Variants in MRPL37 observed in about 807,000 individuals in gnomAD.
The protein encoded by MRPL37 is large ribosomal subunit protein mL37.
Under a neutral mutation model 44.1 loss-of-function variants are expected in MRPL37, and 34 were observed. That is an observed-to-expected ratio of 0.77 (90% CI 0.59 to 1.03). The LOEUF (loss-of-function observed/expected upper bound fraction) is 1.03. MRPL37 is among the 50% of genes least tolerant of loss of function. The probability of loss-of-function intolerance (pLI) is 0.00; values close to 1 mark genes in which losing one functional copy is unlikely to be tolerated. For missense variants in MRPL37, 532 were observed against 543.7 expected (o/e 0.98, Z 0.21); for synonymous variants, 212 against 219.5 (o/e 0.97, Z 0.30).
chr1:54,208,569 AG>A (rs1310534494), intron 3 of MRPL37, among the ~76,000 whole-genome samples: 2 of 150,586 alleles, frequency 1.3e-5, no homozygotes, highest in African/African-American at 4.9e-5. Flanking sequence ...AAAAAAAAAA[AG>A]AATCTCCTCT....
intron 2 of MRPL37, 45 bp downstream of exon 2, chr1:54,205,246 G>T: frequency 6.2e-7 from 1 of 1,607,476 alleles, no homozygotes; most frequent in South Asian, 1.1e-5. Flanking sequence ...ATGGATCTTC[G>T]AGTCGACCTG....
At chr1:54,204,892 TCA>T (rs1417312299) in intron 1 of MRPL37, 124 bp from the exon 2 acceptor site, 20 of 1,094,194 alleles carry the variant, frequency 1.8e-5, no homozygotes. Context: ...CCCTCAGGTG[TCA>T]CAGAACAAAT....
rs1357549912 is a variant in MRPL37, at chr1:54,216,123, G to A, written c.991-18G>A. On this transcript the variant is annotated intron_variant, in intron 5 of 6. Coordinates refer to ENST00000360840, the MANE Select transcript of MRPL37 (RefSeq NM_016491.4). ...CCACAGCTTCTGATTTGTTTTCCTT[G>A]TCCCCTTTTCCTCTCAGAATGATGC... The A allele has an allele frequency of 6.2e-7, 1 of 1,614,016 alleles. No homozygotes were observed. The highest frequency in any genetic ancestry group is 8.5e-7 in the Non-Finnish European group (1 of 1,179,880).
downstream of MRPL37, chr1:54,225,358 C>G: frequency 1.6e-6 from 2 of 1,234,070 alleles, no homozygotes; most frequent in African/African-American, 3.1e-5. Flanking sequence ...AAACTGTGCC[C>G]AAGAAGTCAC....
At chr1:54,207,158 T>C (rs1376693592) in intron 3 of MRPL37, among the ~76,000 whole-genome samples, 1 of 152,234 alleles carries the variant, frequency 6.6e-6, no homozygotes, top group African/African-American at 2.4e-5. Flanking sequence ...CTGTGTTCTT[T>C]ATGCCCATTC....
chr1:54,221,594 T>A (rs1271540606), downstream of MRPL37, among the ~76,000 whole-genome samples: 1 of 152,096 alleles, frequency 6.6e-6, no homozygotes, highest in Non-Finnish European at 1.5e-5. Context: ...CCATGTTCAC[T>A]CTCACACACG....
intron 6 of MRPL37, among the ~76,000 whole-genome samples, chr1:54,217,396 A>G (rs908649718): frequency 6.6e-5 from 10 of 152,056 alleles, no homozygotes; most frequent in African/African-American, 2.2e-4. Flanking sequence ...CTGTGTCTTC[A>G]GGTTCTCTTC....
At chr1:54,213,724 C>G (rs529375000) in intron 5 of MRPL37, among the ~76,000 whole-genome samples, 2 of 152,224 alleles carry the variant, frequency 1.3e-5, no homozygotes, top group Admixed American at 1.3e-4. Context: ...ACAAGCCCCC[C>G]AGTTATGCTG....
chr1:54,208,465 C>T (rs376194743), intron 3 of MRPL37, among the ~76,000 whole-genome samples: 1 of 141,302 alleles, frequency 7.1e-6, no homozygotes, highest in African/African-American at 2.6e-5. Context: ...GGGAGAATGG[C>T]GTGAACCCGG....
intron 4 of MRPL37, among the ~76,000 whole-genome samples, chr1:54,211,931 A>G (rs1466610062): frequency 1.3e-5 from 2 of 152,266 alleles, no homozygotes; most frequent in African/African-American, 2.4e-5. Flanking sequence ...ATGGCTGAAA[A>G]GAACAAGTAC....
intron 6 of MRPL37, among the ~76,000 whole-genome samples, chr1:54,216,578 G>A (rs1384553176): frequency 2.0e-5 from 3 of 152,264 alleles, no homozygotes; most frequent in East Asian, 1.9e-4. Flanking sequence ...CCAGCTCCTC[G>A]CAGCTCCCAG....
In MRPL37 at chr1:54,216,109, G is replaced by A. The variant is rs374407823; in HGVS notation, c.991-32G>A. ...CTGTTCCTTACACTCCACAGCTTCT[G>A]ATTTGTTTTCCTTGTCCCCTTTTCC... On this transcript the variant is annotated intron_variant, in intron 5 of 6. Transcript: ENST00000360840. 4.3e-6 allele frequency: 7 copies of A among 1,613,118 alleles called. No homozygotes were observed. The South Asian group carries it at 4.4e-5, about 10-fold the overall frequency.
chr1:54,202,820 C>T (rs1644094386), intron 1 of MRPL37, among the ~76,000 whole-genome samples: 1 of 152,128 alleles, frequency 6.6e-6, no homozygotes, highest in Admixed American at 6.5e-5. Context: ...AAGATATGAC[C>T]TTGAGTCAGA....
chr1:54,210,803 C>A (rs1279165758), intron 4 of MRPL37, among the ~76,000 whole-genome samples: 1 of 152,172 alleles, frequency 6.6e-6, no homozygotes. Flanking sequence ...GTCTGTCTGA[C>A]CCCACACTAT....
intron 1 of MRPL37, among the ~76,000 whole-genome samples, chr1:54,201,824 G>A (rs1046877808): frequency 2.0e-5 from 3 of 152,158 alleles, no homozygotes; most frequent in Non-Finnish European, 4.4e-5. Flanking sequence ...GGTAGATGGT[G>A]ACTTTCAGTA....
rs759618256 is a variant in MRPL37 at position 54,205,189 on chromosome 1, G to C, written c.518G>C (p.Arg173Thr). ...LWQTTEEIPK[R>T]ETYCPVIVDN... ...CAGACCACTGAGGAAATCCCCAAGAGAGAGACCTACTGGTAAGTTCCCCCA... is the reference window on the plus strand; with the variant it reads ...CAGACCACTGAGGAAATCCCCAAGACAGAGACCTACTGGTAAGTTCCCCCA... The change falls in exon 2 of 7, where the codon AGA becomes ACA. Residue 173 changes from arginine to threonine, a missense_variant. Coordinates refer to ENST00000360840, the MANE Select transcript of MRPL37 (RefSeq NM_016491.4). 16 of 1,613,102 alleles carry C rather than the reference G, an allele frequency of 9.9e-6. No individual in the cohort carries two copies. The highest frequency in any genetic ancestry group is 3.3e-5 in the South Asian group (3 of 91,034).
chr1:54,221,215 C>T (rs1644231368), downstream of MRPL37, among the ~76,000 whole-genome samples: 2 of 151,916 alleles, frequency 1.3e-5, no homozygotes, highest in South Asian at 4.2e-4. Context: ...TCTCTGTTCT[C>T]TCCCAAAGCT....
At chr1:54,225,111 T>G, downstream of MRPL37, 1 of 1,234,286 alleles carries the variant, frequency 8.1e-7, no homozygotes, top group Non-Finnish European at 1.0e-6. Flanking sequence ...GGAGGAACCT[T>G]TTTCTACTTC....
chr1:54,221,614 A>G (rs948609630), downstream of MRPL37, among the ~76,000 whole-genome samples: 2 of 152,194 alleles, frequency 1.3e-5, no homozygotes, highest in African/African-American at 4.8e-5. Context: ...GTGCACAGGC[A>G]TACATGCGCG....
Sources: gnomAD v4.1 joint callset for allele counts (sites outside exome capture counted in the v4.1 genomes callset) on GRCh38, gnomAD v4.1.1 for gene constraint, MANE v1.5 for transcripts, NCBI Gene and HGNC (gene_info 2026-07-23, HGNC 2026-07-21) for gene names.